SLC10A1: variants seen among roughly 807,000 people sequenced by gnomAD.
SLC10A1 encodes solute carrier family 10 member 1.
SLC10A1 carries 36 observed loss-of-function variants against 20.5 expected under a neutral mutation model. That is an observed-to-expected ratio of 1.75 (90% confidence interval 1.34 to 2.32). The LOEUF (loss-of-function observed/expected upper bound fraction) is 2.32, where lower values mean the gene tolerates loss of function less well. Ranked by LOEUF, SLC10A1 falls within the 30% of genes most tolerant of loss-of-function variation. The probability of loss-of-function intolerance (pLI) is 0.00; values close to 1 mark genes in which losing one functional copy is unlikely to be tolerated. For missense variants in SLC10A1, 545 were observed against 439.1 expected (o/e 1.24, Z -2.16); for synonymous variants, 188 against 163.6 (o/e 1.15, Z -1.14).
At position 69,776,226 on chromosome 14, in the gene SLC10A1, C is replaced by T; in HGVS notation, c.*56G>A. On this transcript the variant is annotated 3_prime_UTR_variant, in exon 5 of 5. Transcript: ENST00000216540. The stretch of plus-strand genomic sequence containing the variant: ...TGTTTTTGCTGCTCTCTCTAGTTTA[C>T]CACACTGGCTTTCAGAATTGCTTTG... 3.7e-6 allele frequency: 5 copies of T among 1,336,020 alleles called. No individual in the cohort carries two copies. Among genetic ancestry groups the T allele is most frequent in the Non-Finnish European group, 5.3e-6 (5 of 936,580 alleles). The allele number at this position is 1,336,020 out of a possible 1,614,324, so 82.8% of individuals were successfully genotyped here. A position where few individuals can be genotyped will look rare whatever the true frequency, so the allele number is the denominator to read the frequency against.
In SLC10A1 at chr14:69,776,270, C is replaced by G; in HGVS notation, c.*12G>C. ...TGCTTTGGGACCAGAATCCAGGCCA[C>G]CAGGGGAAGGGCTAGGCTGTGCAAG... On this transcript the variant is annotated 3_prime_UTR_variant, in exon 5 of 5. Coordinates refer to ENST00000216540, the MANE Select transcript of SLC10A1 (RefSeq NM_003049.4). 1.2e-6 allele frequency: 2 copies of G among 1,604,936 alleles called. No homozygotes were observed. Among genetic ancestry groups the G allele is most frequent in the Non-Finnish European group, 1.7e-6 (2 of 1,174,580 alleles).
rs201537069 is a variant in SLC10A1 at position 69,776,338 on chromosome 14, C to G, written c.994G>C (p.Gly332Arg). 134 of 1,613,768 alleles carry G rather than the reference C, an allele frequency of 8.3e-5. No homozygotes were observed. In the African/African-American group the frequency reaches 1.7e-3, roughly 20 times the overall value. ...TAATTEETIP[G>R]ALGNGTYKGE... ...TTGTAGGTGCCATTTCCCAGAGCTC[C>G]TGGAATTGTTTCTTCAGTTGTGGCA... Residue 332 changes from glycine (G) to arginine (R), a missense_variant, in exon 5 of 5, where the codon GGA becomes CGA. Transcript: ENST00000216540.
At chr14:69,790,737 CATTATT>C (rs1883816142) in intron 1 of SLC10A1, among the ~76,000 whole-genome samples, 1 of 151,850 alleles carries the variant, frequency 6.6e-6, no homozygotes, top group African/African-American at 2.4e-5. Context: ...CAAAGATAGT[CATTATT>C]ATTACCTGTT....
At chr14:69,784,276 T>G (rs1386814723) in intron 2 of SLC10A1, among the ~76,000 whole-genome samples, 1 of 152,126 alleles carries the variant, frequency 6.6e-6, no homozygotes, top group African/African-American at 2.4e-5. Flanking sequence ...AGAAGGCTTT[T>G]GAGGAGGCAG....
At chr14:69,785,151 T>G (rs1883683077) in intron 2 of SLC10A1, among the ~76,000 whole-genome samples, 2 of 152,044 alleles carry the variant, frequency 1.3e-5, no homozygotes, top group Non-Finnish European at 2.9e-5. Context: ...GGATGAATAG[T>G]GAGCCAAGGG....
chr14:69,790,208 C>T (rs1260956304), intron 1 of SLC10A1, among the ~76,000 whole-genome samples: 1 of 152,134 alleles, frequency 6.6e-6, no homozygotes, highest in African/African-American at 2.4e-5. Context: ...CAAAACCTAT[C>T]TTCTAGAACC....
intron 2 of SLC10A1, 74 bp from the exon 3 acceptor site, chr14:69,779,434 A>G (rs1594760641): frequency 2.5e-6 from 3 of 1,201,064 alleles, no homozygotes; most frequent in East Asian, 2.4e-5. Flanking sequence ...AAGCACAGGT[A>G]GAAATTGGAG....
rs1883526801 is a variant in SLC10A1, at chr14:69,779,201, GAGCAGAGAGAACATAACCC to G, written c.708_726del (p.Gly237SerfsTer48). 6 of 1,610,884 alleles carry G rather than the reference GAGCAGAGAGAACATAACCC, an allele frequency of 3.7e-6. No homozygotes were observed. The South Asian group carries it at 5.5e-5, about 15-fold the overall frequency. ...ACCTACCGTCCATTGAGGCAGAAGA[GAGCAGAGAGAACATAACCC>G]AGCAGAAAGCCAATAAAAGGCATCA... is the stretch of plus-strand genomic sequence containing the variant. On this transcript the variant is annotated frameshift_variant, in exon 3 of 5. Transcript: ENST00000216540. LOFTEE classifies it high-confidence loss of function.
At chr14:69,790,676 C>T (rs1385128746) in intron 1 of SLC10A1, among the ~76,000 whole-genome samples, 4 of 151,976 alleles carry the variant, frequency 2.6e-5, no homozygotes, top group Middle Eastern at 3.5e-3. Context: ...GTATATTAAA[C>T]GTTAAACTTA....
In SLC10A1 at chr14:69,778,913, C is replaced by T. The variant is rs141778356; in HGVS notation, c.746+269G>A. Among the ~76,000 whole-genome samples the T allele has an allele frequency of 4.1e-3, 622 of 152,250 alleles. 3 individuals carry two copies. Among genetic ancestry groups the T allele is most frequent in the African/African-American group, 0.014 (597 of 41,542 alleles). ...CATGCAGTGGCTCACACCTGTAATC[C>T]TAGCACTTTGGAAGGCTGAGGCAGG... On this transcript the variant is annotated intron_variant, in intron 3 of 4. Coordinates refer to ENST00000216540, the MANE Select transcript of SLC10A1 (RefSeq NM_003049.4).
chr14:69,791,856 G>A (rs1419368626), intron 1 of SLC10A1, among the ~76,000 whole-genome samples: 1 of 152,120 alleles, frequency 6.6e-6, no homozygotes, highest in Non-Finnish European at 1.5e-5. Flanking sequence ...ATAAAAATAA[G>A]TTCTACATTG....
intron 2 of SLC10A1, among the ~76,000 whole-genome samples, chr14:69,785,857 C>T (rs1037615769): frequency 4.6e-5 from 7 of 151,806 alleles, no homozygotes; most frequent in African/African-American, 7.3e-5. Flanking sequence ...GATCCACCCG[C>T]CTCAACTTCC....
Position 69,782,005 on chromosome 14 carries a change from T to G in SLC10A1, c.568-2645A>C, listed in dbSNP as rs74061432. Among the ~76,000 whole-genome samples the G allele has an allele frequency of 5.4e-3, 829 of 152,338 alleles. 3 individuals are homozygous for G. The highest frequency in any genetic ancestry group is 0.019 in the African/African-American group (776 of 41,570). ...GGACAATCATTTGTTCGTTTTCCAG[T>G]TTGGCACTCACTATATTATTTATGG... is the stretch of plus-strand genomic sequence containing the variant. On this transcript the variant is annotated intron_variant, in intron 2 of 4. Transcript: ENST00000216540.
In SLC10A1 at chr14:69,778,375, T is replaced by C. The variant is rs199910121; in HGVS notation, c.901A>G (p.Ile301Val). Residue 301 changes from isoleucine to valine, a missense_variant, in exon 4 of 5, where the codon ATT (isoleucine) becomes GTT (valine). Ile to Val is a conservative substitution (Grantham distance 29, BLOSUM62 3). Coordinates refer to ENST00000216540, the MANE Select transcript of SLC10A1 (RefSeq NM_003049.4). Reference sequence around the variant, plus strand: ...TTCTCATAGCACCAAAATATGGCAATGAGGAGAAGCCCTTCTCCAAGCTGG... The same window carrying C: ...TTCTCATAGCACCAAAATATGGCAACGAGGAGAAGCCCTTCTCCAAGCTGG... ...IFQLGEGLLL[I>V]AIFWCYEKFK... The C allele has an allele frequency of 3.7e-6, 6 of 1,612,310 alleles. No homozygotes were observed. The highest frequency in any genetic ancestry group is 5.1e-6 in the Non-Finnish European group (6 of 1,179,382).
chr14:69,797,037 A>C lies in SLC10A1; in HGVS notation c.119T>G (p.Leu40Arg). The C allele has an allele frequency of 6.2e-7, 1 of 1,614,128 alleles. No individual in the cohort carries two copies. The highest frequency in any genetic ancestry group is 8.5e-7 in the Non-Finnish European group (1 of 1,180,030). ...GAACTCCATGGTGCAGCCCAGCGAG[A>C]GCATGATGAAGAACAACATGAACAC... is the stretch of plus-strand genomic sequence containing the variant. ...ILVFMLFFIM[L>R]SLGCTMEFSK... Residue 40 changes from leucine to arginine, a missense_variant, in exon 1 of 5, where the codon CTC (leucine) becomes CGC (arginine). By Grantham distance (102) the Leu-to-Arg change is moderately radical. Transcript: ENST00000216540.
chr14:69,781,266 C>T (rs1486493216), intron 2 of SLC10A1, among the ~76,000 whole-genome samples: 3 of 152,244 alleles, frequency 2.0e-5, no homozygotes, highest in African/African-American at 4.8e-5. Flanking sequence ...CAACCCCTGT[C>T]TCCTGCTGAG....
chr14:69,796,224 A>C (rs1016876498), intron 1 of SLC10A1, among the ~76,000 whole-genome samples: 4 of 152,138 alleles, frequency 2.6e-5, no homozygotes, highest in Non-Finnish European at 4.4e-5. Flanking sequence ...AAACTCTAGG[A>C]TCTCCCTGGT....
intron 2 of SLC10A1, among the ~76,000 whole-genome samples, chr14:69,782,016 C>G (rs1315998148): frequency 6.6e-6 from 1 of 152,176 alleles, no homozygotes; most frequent in Non-Finnish European, 1.5e-5. Flanking sequence ...TTGGCACTCA[C>G]TATATTATTT....
At chr14:69,785,972 G>A (rs1485173664) in intron 2 of SLC10A1, 125 bp downstream of exon 2, 2 of 705,586 alleles carry the variant, frequency 2.8e-6, no homozygotes, top group Non-Finnish European at 4.9e-6. Context: ...AGAGTGCATA[G>A]CATAAAACTT....
Sources: allele counts gnomAD v4.1 joint callset (sites outside exome capture counted in the v4.1 genomes callset), GRCh38; gene constraint gnomAD v4.1.1; transcripts MANE v1.5; gene names NCBI Gene and HGNC (gene_info 2026-07-23, HGNC 2026-07-21).